FRYL: variants seen among roughly 807,000 people sequenced by gnomAD.
FRYL encodes protein furry homolog-like.
Under a neutral mutation model 351.2 loss-of-function variants are expected in FRYL, and 150 were observed. That is an observed-to-expected ratio of 0.43 (90% CI 0.37 to 0.49). The LOEUF is 0.49. Among genes scored for constraint, FRYL ranks in the 20% least tolerant of loss-of-function variants. The pLI, the probability that FRYL is intolerant of heterozygous loss-of-function variation, is 0.00. For missense variants in FRYL, 3,036 were observed against 3,619.3 expected, an observed-to-expected ratio of 0.84 and a Z score of 4.13; for synonymous variants, 1,153 against 1,257.1, an observed-to-expected ratio of 0.92 and a Z score of 1.75.
In FRYL at chr4:48,500,182, A is replaced by G; in HGVS notation, c.8631T>C (p.Ser2877=). The G allele has an allele frequency of 1.3e-6, 2 of 1,597,312 alleles. No individual in the cohort carries two copies. The highest frequency in any genetic ancestry group is 1.7e-6 in the Non-Finnish European group (2 of 1,176,566). Residue 2877 remains serine (S), a synonymous_variant, in exon 63 of 64, where the codon AGT becomes AGC. Coordinates refer to ENST00000358350, the MANE Select transcript of FRYL (RefSeq NM_015030.2). ...AAGCGGACTCAGCTTCTTTGAGGAT[A>G]CTTTCCAGTTGGGCAAGTTCCTCTG... ...NMSEELAQLE[S]ILKEAESASE...
intron 19 of FRYL, among the ~76,000 whole-genome samples, chr4:48,585,315 C>T (rs1266218818): frequency 6.6e-6 from 1 of 152,208 alleles, no homozygotes; most frequent in Admixed American, 6.5e-5. Flanking sequence ...CCCTTTCTTT[C>T]ACAATCATCA....
At chr4:48,641,922 G>C (rs1177268106) in intron 3 of FRYL, among the ~76,000 whole-genome samples, 1 of 151,944 alleles carries the variant, frequency 6.6e-6, no homozygotes, top group African/African-American at 2.4e-5. Flanking sequence ...TTTTAAGTTC[G>C]CTTTATTTGT....
intron 22 of FRYL, among the ~76,000 whole-genome samples, chr4:48,579,889 A>T (rs927830175): frequency 2.0e-5 from 3 of 152,174 alleles, no homozygotes; most frequent in African/African-American, 7.2e-5. Flanking sequence ...CCACAAATAA[A>T]TGATAAACAC....
intron 11 of FRYL, among the ~76,000 whole-genome samples, chr4:48,604,532 A>G (rs1746351641): frequency 6.6e-6 from 1 of 152,138 alleles, no homozygotes; most frequent in South Asian, 2.1e-4. Flanking sequence ...ATGCCATGTG[A>G]CAATGAAGGC....
intron 9 of FRYL, 45 bp from the exon 10 acceptor site, chr4:48,606,651 T>A (rs1746900194): frequency 1.4e-6 from 2 of 1,474,306 alleles, no homozygotes; most frequent in Non-Finnish European, 1.9e-6. Context: ...TTAAAAACAC[T>A]AATTTCCACA....
chr4:48,748,489 T>C (rs1381815011), intron 1 of FRYL, among the ~76,000 whole-genome samples: 1 of 152,162 alleles, frequency 6.6e-6, no homozygotes, highest in East Asian at 1.9e-4. Flanking sequence ...CTGGCCGGGA[T>C]CTCTTTCCTC....
intron 19 of FRYL, among the ~76,000 whole-genome samples, chr4:48,583,210 G>A (rs1286648329): frequency 1.3e-5 from 2 of 151,458 alleles, no homozygotes; most frequent in Non-Finnish European, 2.9e-5. Context: ...GGAGTGCAGC[G>A]GCATGATCTC....
intron 59 of FRYL, among the ~76,000 whole-genome samples, chr4:48,508,062 C>CAT (rs1721659350): frequency 6.6e-6 from 1 of 152,158 alleles, no homozygotes; most frequent in Admixed American, 6.5e-5. Context: ...CTTTGCAAAA[C>CAT]ATATAGTCTT....
chr4:48,607,800 T>C (rs1166083699), intron 9 of FRYL, among the ~76,000 whole-genome samples: 2 of 152,208 alleles, frequency 1.3e-5, no homozygotes, highest in East Asian at 3.8e-4. Context: ...TACCATTTCA[T>C]ACATTTACTG....
chr4:48,546,265 A>G lies in FRYL; in HGVS notation c.5081T>C (p.Ile1694Thr). 6.2e-7 allele frequency: 1 copy of G among 1,612,124 alleles called. No individual in the cohort carries two copies. Among genetic ancestry groups the G allele is most frequent in the Non-Finnish European group, 8.5e-7 (1 of 1,178,460 alleles). The change falls in exon 42 of 64, where the codon ATT (isoleucine) becomes ACT (threonine). Residue 1694 changes from isoleucine (I) to threonine (T), a missense_variant. Around this residue, in one of 7 missense-constraint regions of FRYL, gnomAD observed 1,987 missense variants for 2,311.7 expected, o/e 0.86. Coordinates refer to ENST00000358350, the MANE Select transcript of FRYL (RefSeq NM_015030.2). The part of the protein sequence containing the change: ...AHLDYNFTAG[I>T]NDFIPDYQPS... ...CTGGTAATCAGGTATAAAATCGTTA[A>G]TGCCTGCTGAAAGAGAAAGATCGTC...
intron 2 of FRYL, among the ~76,000 whole-genome samples, chr4:48,707,414 A>G (rs1448282832): frequency 1.3e-5 from 2 of 152,218 alleles, no homozygotes; most frequent in Non-Finnish European, 2.9e-5. Context: ...TTGCTTTAAA[A>G]TAACACAGGA....
intron 3 of FRYL, among the ~76,000 whole-genome samples, chr4:48,646,450 T>G (rs79728130): frequency 6.6e-6 from 1 of 152,158 alleles, no homozygotes; most frequent in Admixed American, 6.6e-5. Flanking sequence ...AACCAACTAA[T>G]AGATCTAAAA....
At chr4:48,617,141 T>C (rs748769461) in intron 7 of FRYL, among the ~76,000 whole-genome samples, 1 of 152,070 alleles carries the variant, frequency 6.6e-6, no homozygotes, top group African/African-American at 2.4e-5. Context: ...AATTAGCGTA[T>C]GGGGATAATA....
intron 2 of FRYL, among the ~76,000 whole-genome samples, chr4:48,695,477 A>G (rs958198963): frequency 6.6e-6 from 1 of 151,982 alleles, no homozygotes; most frequent in African/African-American, 2.4e-5. Flanking sequence ...GTTAACATAT[A>G]TTTACTGTAA....
rs771251980 is a variant in FRYL, at chr4:48,500,112, T to G, written c.8701A>C (p.Ile2901Leu). The G allele has an allele frequency of 5.0e-6, 8 of 1,600,410 alleles. No individual in the cohort carries two copies. The highest frequency in any genetic ancestry group is 6.8e-6 in the Non-Finnish European group (8 of 1,174,258). The change falls in exon 63 of 64, where the codon ATA (isoleucine) becomes CTA (leucine). Residue 2901 changes from isoleucine to leucine, a missense_variant. Physicochemically the swap from Ile to Leu is conservative, Grantham distance 5. Around this residue, in one of 7 missense-constraint regions of FRYL, gnomAD observed 1,987 missense variants for 2,311.7 expected, o/e 0.86. Coordinates refer to ENST00000358350, the MANE Select transcript of FRYL (RefSeq NM_015030.2). The stretch of plus-strand genomic sequence containing the variant: ...ATTAAAGAATGAATGGCAGTTTCTA[T>G]AGTAGTTTGTGCAGCTTTGGAAATG... ...IDISKAAQTT[I>L]ETAIHSLIET...
At chr4:48,684,854 ACATC>A (rs1322471018) in intron 2 of FRYL, 59 bp from the exon 3 acceptor site, 2 of 151,784 alleles carry the variant, frequency 1.3e-5, no homozygotes, top group Non-Finnish European at 2.9e-5. Flanking sequence ...TGTGTTACTC[ACATC>A]CATCCTTCTG....
intron 3 of FRYL, among the ~76,000 whole-genome samples, chr4:48,669,053 T>A (rs1408397000): frequency 6.6e-6 from 1 of 152,268 alleles, no homozygotes; most frequent in Admixed American, 6.5e-5. Context: ...TATTTTGAGA[T>A]AGACATTTTA....
intron 1 of FRYL, among the ~76,000 whole-genome samples, chr4:48,771,835 C>T (rs1775547974): frequency 6.6e-6 from 1 of 152,154 alleles, no homozygotes; most frequent in African/African-American, 2.4e-5. Context: ...GTTCCCACAG[C>T]ACACTGAAAA....
intron 62 of FRYL, 31 bp downstream of exon 62, chr4:48,501,592 T>C: frequency 8.3e-7 from 1 of 1,204,450 alleles, no homozygotes; most frequent in Non-Finnish European, 1.2e-6. Flanking sequence ...TTAGAATCAG[T>C]TACTGATGCC....
Sources: allele counts gnomAD v4.1 joint callset (sites outside exome capture counted in the v4.1 genomes callset), GRCh38; gene constraint gnomAD v4.1.1; regional missense constraint gnomAD v4.1.1; transcripts MANE v1.5; gene names NCBI Gene and HGNC (gene_info 2026-07-23, HGNC 2026-07-21).